The following KREMEN1 variants were observed in gnomAD, a reference collection of about 807,000 sequenced individuals.
KREMEN1 encodes the protein kremen protein 1.
A neutral mutation model predicts 46.5 loss-of-function variants in KREMEN1; 30 were observed. The observed-to-expected ratio is 0.65, with a 90% CI of 0.48 to 0.88. The LOEUF is 0.88. KREMEN1 is among the 40% of genes least tolerant of loss of function. The probability of loss-of-function intolerance (pLI) is 0.00; values close to 1 mark genes in which losing one functional copy is unlikely to be tolerated. For synonymous variants in KREMEN1, 214 were observed against 230.6 expected, an observed-to-expected ratio of 0.93 and a Z score of 0.65; for missense variants, 533 against 596.9, an observed-to-expected ratio of 0.89 and a Z score of 1.11.
chr22:29,117,962 T>C (rs552189310), intron 3 of KREMEN1, among the ~76,000 whole-genome samples: 89 of 152,282 alleles, frequency 5.8e-4, no homozygotes, highest in African/African-American at 2.0e-3. Flanking sequence ...GGTCAGGAAA[T>C]GTGGGGTATG....
At chr22:29,137,751 G>A in intron 6 of KREMEN1, 77 bp downstream of exon 6, 5 of 1,236,430 alleles carry the variant, frequency 4.0e-6, no homozygotes, top group Non-Finnish European at 5.5e-6. Flanking sequence ...CTTGTGACTT[G>A]GGCAGTTCTT....
chr22:29,167,193 G>A, exon 10 of KREMEN1: 1 of 1,090,146 alleles, frequency 9.2e-7, no homozygotes. Context: ...TCCTCGCACA[G>A]AAATGGTGGG....
chr22:29,145,221 A>T lies in KREMEN1; in HGVS notation c.*3109A>T, dbSNP rs1374287840. ...AGGAGCATGGAGGAGGTGGCACTTGAACTTTTAGGAAACTCCTTAGATGAG... is the reference window on the plus strand; with the variant it reads ...AGGAGCATGGAGGAGGTGGCACTTGTACTTTTAGGAAACTCCTTAGATGAG... On this transcript the variant is annotated 3_prime_UTR_variant, in exon 9 of 9. Transcript: ENST00000400335. The T allele has an allele frequency of 1.4e-5, 14 of 985,546 alleles. No individual in the cohort carries two copies. The highest frequency in any genetic ancestry group is 1.6e-5 in the Non-Finnish European group (13 of 830,044). The allele number at this position is 985,546 out of a possible 1,614,324, so 61.1% of individuals were successfully genotyped here.
In KREMEN1 at chr22:29,152,718, C is replaced by G. The variant is rs1233378255; in HGVS notation, c.1416+10618C>G. On this transcript the variant is annotated intron_variant, in intron 9 of 9. Transcript: ENST00000327813. ...GCACAACCTTTCCTTTTTTTCCTCTCTCTAAAGACAGGGTCTCACTCTGTC... is the reference window on the plus strand; with the variant it reads ...GCACAACCTTTCCTTTTTTTCCTCTGTCTAAAGACAGGGTCTCACTCTGTC... Among the ~76,000 whole-genome samples, 4 of 151,926 alleles carry G rather than the reference C, an allele frequency of 2.6e-5. No individual in the cohort carries two copies. In the East Asian group the frequency reaches 5.8e-4, roughly 22 times the overall value.
intron 1 of KREMEN1, among the ~76,000 whole-genome samples, chr22:29,076,294 C>T (rs749758369): frequency 6.6e-5 from 10 of 152,192 alleles, no homozygotes; most frequent in Non-Finnish European, 1.3e-4. Context: ...CCCCACTAGC[C>T]AGTAGTGTGT....
chr22:29,106,156 TAG>T (rs1011676724), intron 3 of KREMEN1, among the ~76,000 whole-genome samples: 3 of 152,256 alleles, frequency 2.0e-5, no homozygotes, highest in African/African-American at 4.8e-5. Context: ...CACTGCTTTC[TAG>T]TATGTTTCAG....
chr22:29,087,589 A>C (rs1016126453), intron 1 of KREMEN1, among the ~76,000 whole-genome samples: 1 of 150,382 alleles, frequency 6.6e-6, no homozygotes, highest in Non-Finnish European at 1.5e-5. Flanking sequence ...TTTTTGACGG[A>C]ATTTTACTCT....
chr22:29,125,534 T>C, intron 5 of KREMEN1, 118 bp downstream of exon 5: 1 of 977,038 alleles, frequency 1.0e-6, no homozygotes, highest in South Asian at 1.6e-5. Context: ...CAATAGACAA[T>C]ACTTGTGACT....
intron 1 of KREMEN1, among the ~76,000 whole-genome samples, chr22:29,088,710 T>A (rs2145752146): frequency 6.6e-6 from 1 of 152,344 alleles, no homozygotes; most frequent in East Asian, 1.9e-4. Flanking sequence ...CCTTTATGAT[T>A]ATACAATAAT....
In KREMEN1 at chr22:29,142,978, C is replaced by T. The variant is rs2038790552; in HGVS notation, c.*866C>T. The T allele has an allele frequency of 1.6e-5, 9 of 574,494 alleles. No homozygotes were observed. The highest frequency in any genetic ancestry group is 6.1e-5 in the African/African-American group (3 of 49,110). The allele number at this position is 574,494 out of a possible 1,614,324, so 35.6% of individuals were successfully genotyped here. A position where few individuals can be genotyped will look rare whatever the true frequency, so the allele number is the denominator to read the frequency against. ...CAGCCTGGCCAACATGGTGAAACCC[C>T]GTCTCTACTAAAAATATAAAAATTA... On this transcript the variant is annotated 3_prime_UTR_variant, in exon 9 of 9. Coordinates refer to ENST00000400335, the MANE Select transcript of KREMEN1 (RefSeq NM_001039570.3).
chr22:29,153,281 C>T (rs1270728809), intron 9 of KREMEN1, among the ~76,000 whole-genome samples: 1 of 152,136 alleles, frequency 6.6e-6, no homozygotes, highest in African/African-American at 2.4e-5. Flanking sequence ...CCAGTCCTGC[C>T]GACCTCCTAT....
At chr22:29,162,508 G>A (rs2039020418) in intron 9 of KREMEN1, among the ~76,000 whole-genome samples, 1 of 152,126 alleles carries the variant, frequency 6.6e-6, no homozygotes, top group African/African-American at 2.4e-5. Flanking sequence ...ACTGAGGTCA[G>A]GAGTTCAAGA....
At chr22:29,083,993 A>T (rs2037695926) in intron 1 of KREMEN1, among the ~76,000 whole-genome samples, 1 of 152,184 alleles carries the variant, frequency 6.6e-6, no homozygotes, top group Non-Finnish European at 1.5e-5. Context: ...ATGCTAAACA[A>T]GGGGTAGATT....
chr22:29,145,185 C>T lies in KREMEN1; in HGVS notation c.*3073C>T, dbSNP rs1048464042. The T allele has an allele frequency of 6.1e-6, 6 of 985,648 alleles. No homozygotes were observed. The highest frequency in any genetic ancestry group is 5.2e-4 in the Middle Eastern group (1 of 1,938). 61.1% of individuals were successfully genotyped at this position (985,648 alleles called of 1,614,324 possible). ...AAAGAAACTGCTCCAGAAGAGATGA[C>T]GTGGGCTTCCAGGAGCATGGAGGAG... On this transcript the variant is annotated 3_prime_UTR_variant, in exon 9 of 9. Coordinates refer to ENST00000400335, the MANE Select transcript of KREMEN1 (RefSeq NM_001039570.3).
chr22:29,085,471 A>G (rs1211361147), intron 1 of KREMEN1, among the ~76,000 whole-genome samples: 1 of 152,216 alleles, frequency 6.6e-6, no homozygotes, highest in Non-Finnish European at 1.5e-5. Context: ...CGTAGAAAAA[A>G]AAACAATAAT....
chr22:29,126,922 A>G (rs948684791), intron 5 of KREMEN1, among the ~76,000 whole-genome samples: 2 of 152,230 alleles, frequency 1.3e-5, no homozygotes, highest in African/African-American at 4.8e-5. Context: ...AACTTTGGCT[A>G]ATGATTAACG....
intron 5 of KREMEN1, among the ~76,000 whole-genome samples, chr22:29,129,819 G>A (rs1455411697): frequency 6.6e-6 from 1 of 152,236 alleles, no homozygotes; most frequent in Non-Finnish European, 1.5e-5. Flanking sequence ...TTTTCAGCAA[G>A]CTCATGGACT....
chr22:29,130,798 G>T (rs543636688), intron 5 of KREMEN1, among the ~76,000 whole-genome samples: 2 of 152,338 alleles, frequency 1.3e-5, no homozygotes, highest in Admixed American at 1.3e-4. Flanking sequence ...GCCATGGAGG[G>T]CTTGCCCAGG....
Position 29,143,365 on chromosome 22 carries a change from T to C in KREMEN1, c.*1253T>C. On this transcript the variant is annotated 3_prime_UTR_variant, in exon 9 of 9. Coordinates refer to ENST00000400335, the MANE Select transcript of KREMEN1 (RefSeq NM_001039570.3). ...CAGTTCAGAGTGGAGAGTATCAATCTTGTGTTTTTGCCCTTAGGCAGCACT... is the reference window on the plus strand; with the variant it reads ...CAGTTCAGAGTGGAGAGTATCAATCCTGTGTTTTTGCCCTTAGGCAGCACT... 1 of 985,464 alleles carries C rather than the reference T, an allele frequency of 1.0e-6. No homozygotes were observed. Among genetic ancestry groups the C allele is most frequent in the African/African-American group, 1.7e-5 (1 of 57,360 alleles). The allele number at this position is 985,464 out of a possible 1,614,324, so 61.0% of individuals were successfully genotyped here.
Sources: gnomAD v4.1 joint callset for allele counts (sites outside exome capture counted in the v4.1 genomes callset) on GRCh38, gnomAD v4.1.1 for gene constraint, MANE v1.5 for transcripts, NCBI Gene and HGNC (gene_info 2026-07-23, HGNC 2026-07-21) for gene names.